Variants in CNTNAP2 observed in about 807,000 individuals in gnomAD.
The protein encoded by CNTNAP2 is contactin associated protein 2.
In CNTNAP2, 98 loss-of-function variants were observed where a neutral mutation model predicts 155.2. The ratio of observed to expected loss-of-function variants is 0.63; its 90% confidence interval spans 0.54 to 0.75. The LOEUF is 0.75. CNTNAP2 is among the 30% of genes least tolerant of loss of function. The probability of loss-of-function intolerance (pLI) is 0.00; values close to 1 mark genes in which losing one functional copy is unlikely to be tolerated. For missense variants in CNTNAP2, 1,727 were observed against 1,688.1 expected (o/e 1.02, Z -0.40); for synonymous variants, 651 against 631.2 (o/e 1.03, Z -0.47).
At chr7:146,855,073 G>C (rs4412285) in intron 3 of CNTNAP2, among the ~76,000 whole-genome samples, 44,020 of 151,946 alleles carry the variant, frequency 0.29, 6,415 homozygotes, top group African/African-American at 0.33. Context: ...ATATAAAATT[G>C]TGTTTACATG....
intron 1 of CNTNAP2, among the ~76,000 whole-genome samples, chr7:146,290,316 G>A (rs1378694227): frequency 2.6e-5 from 4 of 152,090 alleles, no homozygotes; most frequent in African/African-American, 7.2e-5. Flanking sequence ...CATGAATCCC[G>A]TCTTAACCCT....
chr7:147,278,736 A>G (rs187852625), intron 8 of CNTNAP2, among the ~76,000 whole-genome samples: 8 of 151,678 alleles, frequency 5.3e-5, no homozygotes, highest in Admixed American at 5.3e-4. Flanking sequence ...TCCATTATAT[A>G]GCTATAAAAT....
chr7:148,071,228 G>A (rs865890104), intron 15 of CNTNAP2, among the ~76,000 whole-genome samples: 1 of 152,278 alleles, frequency 6.6e-6, no homozygotes, highest in Middle Eastern at 3.4e-3. Flanking sequence ...TGTAATCCCA[G>A]CACTTTCAGA....
intron 22 of CNTNAP2, among the ~76,000 whole-genome samples, chr7:148,397,417 T>TC (rs1335988522): frequency 6.6e-6 from 1 of 152,256 alleles, no homozygotes; most frequent in African/African-American, 2.4e-5. Context: ...GTTATTTTTT[T>TC]CCCACTATTC....
intron 3 of CNTNAP2, among the ~76,000 whole-genome samples, chr7:146,999,357 G>A (rs1250832840): frequency 6.6e-6 from 1 of 150,826 alleles, no homozygotes; most frequent in African/African-American, 2.4e-5. Context: ...ATTGCATATC[G>A]ATTAACAAAT....
At chr7:146,166,664 G>T (rs1798316992) in intron 1 of CNTNAP2, among the ~76,000 whole-genome samples, 1 of 152,074 alleles carries the variant, frequency 6.6e-6, no homozygotes, top group South Asian at 2.1e-4. Context: ...GAACATTTAA[G>T]CTATTTTTAA....
chr7:146,209,470 A>C (rs1174360460), intron 1 of CNTNAP2, among the ~76,000 whole-genome samples: 1 of 152,184 alleles, frequency 6.6e-6, no homozygotes, highest in African/African-American at 2.4e-5. Flanking sequence ...TTGAGGCCTC[A>C]CCCAGCTTTG....
At chr7:146,716,697 T>C (rs967037618) in intron 1 of CNTNAP2, among the ~76,000 whole-genome samples, 4 of 152,192 alleles carry the variant, frequency 2.6e-5, no homozygotes, top group East Asian at 1.9e-4. Context: ...ATTTCTCCCT[T>C]GGAGATGGCC....
intron 10 of CNTNAP2, among the ~76,000 whole-genome samples, chr7:147,468,863 C>G (rs1798164981): frequency 6.7e-6 from 1 of 148,160 alleles, no homozygotes; most frequent in African/African-American, 2.5e-5. Context: ...TCCCCCCAGA[C>G]AGAGTGTCAC....
At chr7:146,163,672 G>T (rs566251507) in intron 1 of CNTNAP2, among the ~76,000 whole-genome samples, 5 of 149,726 alleles carry the variant, frequency 3.3e-5, no homozygotes, top group Admixed American at 2.7e-4. Context: ...CTCTTGAACT[G>T]GGGACGGGGA....
chr7:146,468,846 C>A (rs1217738182), intron 1 of CNTNAP2, among the ~76,000 whole-genome samples: 1 of 151,694 alleles, frequency 6.6e-6, no homozygotes, highest in Non-Finnish European at 1.5e-5. Context: ...ATAGGTGAAG[C>A]AAAAATAAGA....
rs148586831 is a variant in CNTNAP2 at position 146,777,263 on chromosome 7, C to G, written c.208+2882C>G. ...TTATGTGGGGATGTGCAGCTACGTA[C>G]TTTTTGGCTTCTAAAGACTGCTTTG... On this transcript the variant is annotated intron_variant, in intron 2 of 23. Coordinates refer to ENST00000361727, the MANE Select transcript of CNTNAP2 (RefSeq NM_014141.6). Among the ~76,000 whole-genome samples, 317 of 152,306 alleles carry G rather than the reference C, an allele frequency of 2.1e-3. 1 individual carries two copies. Among genetic ancestry groups the G allele is most frequent in the African/African-American group, 7.4e-3 (308 of 41,584 alleles).
At chr7:146,415,207 C>T (rs1254495365) in intron 1 of CNTNAP2, among the ~76,000 whole-genome samples, 1 of 151,822 alleles carries the variant, frequency 6.6e-6, no homozygotes, top group African/African-American at 2.4e-5. Context: ...CAGGGAGAAA[C>T]ACACACACAC....
chr7:146,885,650 T>C (rs1795641122), intron 3 of CNTNAP2, among the ~76,000 whole-genome samples: 1 of 152,166 alleles, frequency 6.6e-6, no homozygotes, highest in African/African-American at 2.4e-5. Context: ...TTTTATTGTC[T>C]TCAGAACTTC....
intron 10 of CNTNAP2, among the ~76,000 whole-genome samples, chr7:147,410,186 C>T (rs1462209754): frequency 6.6e-6 from 1 of 152,160 alleles, no homozygotes; most frequent in Non-Finnish European, 1.5e-5. Flanking sequence ...GGTACATATA[C>T]ACCATGGAAT....
chr7:146,492,969 G>C (rs940924188), intron 1 of CNTNAP2, among the ~76,000 whole-genome samples: 1 of 152,218 alleles, frequency 6.6e-6, no homozygotes, highest in African/African-American at 2.4e-5. Flanking sequence ...CACCAAACAA[G>C]ATGAGATTTG....
At chr7:147,912,115 C>A (rs1002926002) in intron 14 of CNTNAP2, among the ~76,000 whole-genome samples, 1 of 152,180 alleles carries the variant, frequency 6.6e-6, no homozygotes, top group Non-Finnish European at 1.5e-5. Context: ...GTTATAAAAG[C>A]TGTCAATGAC....
chr7:148,217,454 G>A lies in CNTNAP2; in HGVS notation c.3177G>A (p.Lys1059=), dbSNP rs1051581729. 2 of 1,614,136 alleles carry A rather than the reference G, an allele frequency of 1.2e-6. No individual in the cohort carries two copies. The highest frequency in any genetic ancestry group is 1.7e-6 in the Non-Finnish European group (2 of 1,180,032). The change falls in exon 19 of 24, where the codon AAG becomes AAA. Residue 1059 remains lysine (K), a synonymous_variant. Transcript: ENST00000361727. ...EEIRFSFSTT[K]APCILLYISS... ...TCCGCTTCAGCTTCAGCACCACCAAGGCGCCCTGCATTCTCCTCTACATCA... is the reference window on the plus strand; with the variant it reads ...TCCGCTTCAGCTTCAGCACCACCAAAGCGCCCTGCATTCTCCTCTACATCA...
At chr7:147,116,460 C>T (rs562346263) in intron 5 of CNTNAP2, among the ~76,000 whole-genome samples, 14 of 152,274 alleles carry the variant, frequency 9.2e-5, no homozygotes, top group African/African-American at 3.4e-4. Flanking sequence ...ACCTGCCCCA[C>T]CCTTCAGGCA....
Sources: gnomAD v4.1 joint callset for allele counts (sites outside exome capture counted in the v4.1 genomes callset) on GRCh38, gnomAD v4.1.1 for gene constraint, MANE v1.5 for transcripts, NCBI Gene and HGNC (gene_info 2026-07-23, HGNC 2026-07-21) for gene names.